The following SPATA13 variants were observed in gnomAD, a reference collection of about 807,000 sequenced individuals.
The protein encoded by SPATA13 is spermatogenesis associated 13.
Under a neutral mutation model 104.0 loss-of-function variants are expected in SPATA13, and 50 were observed. The observed-to-expected ratio is 0.48, with a 90% CI of 0.38 to 0.61. The LOEUF (loss-of-function observed/expected upper bound fraction) is 0.61, where lower values mean the gene tolerates loss of function less well. Among genes scored for constraint, SPATA13 ranks in the 20% least tolerant of loss-of-function variants. The pLI is 0.00. For synonymous variants in SPATA13, 606 were observed against 667.5 expected, an observed-to-expected ratio of 0.91 and a Z score of 1.42; for missense variants, 1,524 against 1,690.6, an observed-to-expected ratio of 0.90 and a Z score of 1.73.
intron 3 of SPATA13, among the ~76,000 whole-genome samples, chr13:24,109,943 T>C (rs762198090): frequency 4.0e-5 from 6 of 150,810 alleles, no homozygotes; most frequent in Non-Finnish European, 8.8e-5. Flanking sequence ...CATTGCCAAA[T>C]TGCCTTACAG....
intron 7 of SPATA13, among the ~76,000 whole-genome samples, chr13:24,288,445 C>A (rs936145867): frequency 6.6e-6 from 1 of 152,202 alleles, no homozygotes; most frequent in African/African-American, 2.4e-5. Context: ...ATCCCACTAG[C>A]TCCTACCTAA....
chr13:24,165,236 A>G (rs751685411), intron 1 of SPATA13, among the ~76,000 whole-genome samples: 13 of 152,128 alleles, frequency 8.5e-5, no homozygotes, highest in Non-Finnish European at 1.6e-4. Flanking sequence ...GAGAGCGCAG[A>G]CATTGTCACT....
At chr13:24,032,183 C>G (rs1288472420) in intron 3 of SPATA13, among the ~76,000 whole-genome samples, 1 of 152,106 alleles carries the variant, frequency 6.6e-6, no homozygotes, top group Non-Finnish European at 1.5e-5. Context: ...CAGCTACAAC[C>G]CCACCTCACC....
intron 3 of SPATA13, among the ~76,000 whole-genome samples, chr13:24,081,392 G>A (rs935409728): frequency 6.6e-6 from 1 of 152,064 alleles, no homozygotes; most frequent in Non-Finnish European, 1.5e-5. Flanking sequence ...TCTCCTCCCA[G>A]CCTAAGCACT....
At chr13:24,076,172 T>C (rs1445416339) in intron 3 of SPATA13, among the ~76,000 whole-genome samples, 1 of 152,162 alleles carries the variant, frequency 6.6e-6, no homozygotes, top group Non-Finnish European at 1.5e-5. Flanking sequence ...TAGAAATTCT[T>C]GAGGAAAACA....
At chr13:24,047,120 C>G (rs549514537) in intron 3 of SPATA13, among the ~76,000 whole-genome samples, 2 of 152,098 alleles carry the variant, frequency 1.3e-5, no homozygotes, top group African/African-American at 4.8e-5. Flanking sequence ...CACCTCAAGG[C>G]GGGGTCCACA....
At chr13:24,050,730 A>G (rs1878309454) in intron 3 of SPATA13, among the ~76,000 whole-genome samples, 1 of 152,196 alleles carries the variant, frequency 6.6e-6, no homozygotes, top group East Asian at 1.9e-4. Context: ...AAGTGCAGGC[A>G]CCATGCATAA....
At chr13:24,125,170 G>A (rs970862884) in intron 3 of SPATA13, among the ~76,000 whole-genome samples, 4 of 152,198 alleles carry the variant, frequency 2.6e-5, no homozygotes, top group African/African-American at 4.8e-5. Flanking sequence ...ATCAGCTTGC[G>A]TGGAGAGGCC....
intron 2 of SPATA13, among the ~76,000 whole-genome samples, chr13:24,016,820 C>T (rs373448208): frequency 2.6e-5 from 4 of 152,228 alleles, no homozygotes; most frequent in East Asian, 1.9e-4. Context: ...GGCTGCTGCA[C>T]GATAACATGA....
chr13:24,245,867 G>T (rs1873106532), intron 2 of SPATA13, among the ~76,000 whole-genome samples: 1 of 152,118 alleles, frequency 6.6e-6, no homozygotes, highest in Non-Finnish European at 1.5e-5. Flanking sequence ...GGGATTAGCG[G>T]TGTGAACCAC....
intron 3 of SPATA13, among the ~76,000 whole-genome samples, chr13:24,082,797 G>A (rs570603853): frequency 1.9e-3 from 259 of 133,060 alleles, no homozygotes; most frequent in South Asian, 3.4e-3. Context: ...TCCGCAGTCC[G>A]GCCTGGGCGA....
At chr13:24,147,750 C>G (rs1310986518) in intron 3 of SPATA13, among the ~76,000 whole-genome samples, 1 of 141,194 alleles carries the variant, frequency 7.1e-6, no homozygotes, top group Non-Finnish European at 1.6e-5. Flanking sequence ...AACATTAACT[C>G]CCCGTTCCCT....
intron 1 of SPATA13, among the ~76,000 whole-genome samples, chr13:24,196,776 C>T (rs530653123): frequency 4.6e-5 from 7 of 152,120 alleles, no homozygotes; most frequent in East Asian, 1.9e-4. Flanking sequence ...TAGTACATGT[C>T]GGGCACTTAG....
chr13:24,238,435 G>A (rs1403451474), intron 2 of SPATA13, among the ~76,000 whole-genome samples: 5 of 152,154 alleles, frequency 3.3e-5, no homozygotes, highest in Non-Finnish European at 5.9e-5. Flanking sequence ...GGGATTACAG[G>A]CGTGAGCCAC....
chr13:24,216,070 T>C (rs898408603), intron 1 of SPATA13, among the ~76,000 whole-genome samples: 2 of 152,092 alleles, frequency 1.3e-5, no homozygotes, highest in African/African-American at 2.4e-5. Flanking sequence ...TGGCAACAGC[T>C]CCCCTGGAGC....
At chr13:24,057,817 T>C (rs562710902) in intron 3 of SPATA13, among the ~76,000 whole-genome samples, 1 of 151,044 alleles carries the variant, frequency 6.6e-6, no homozygotes, top group South Asian at 2.1e-4. Flanking sequence ...CCCTTGGAGG[T>C]CCAGGGAGGA....
At chr13:24,302,334 C>T (rs977892126) in intron 12 of SPATA13, among the ~76,000 whole-genome samples, 8 of 151,808 alleles carry the variant, frequency 5.3e-5, no homozygotes, top group African/African-American at 1.9e-4. Flanking sequence ...TGGTGGCACA[C>T]ACCTGTAGGT....
rs565823513 is a variant in SPATA13, at chr13:24,111,517, C to A, written c.-112+93816C>A. On this transcript the variant is annotated intron_variant, in intron 3 of 14. Coordinates refer to the SPATA13 transcript ENST00000424834. ...CAACCTTCCCAGCTCAAGTAATCCT[C>A]CCACCTCAGCCTCCTGAGTAGTTGG... Among the ~76,000 whole-genome samples the A allele has an allele frequency of 2.0e-5, 3 of 151,888 alleles. No homozygotes were observed. In the East Asian group the frequency reaches 5.9e-4, roughly 30 times the overall value.
chr13:24,020,835 A>G (rs1876941912), intron 3 of SPATA13, among the ~76,000 whole-genome samples: 1 of 152,206 alleles, frequency 6.6e-6, no homozygotes, highest in Non-Finnish European at 1.5e-5. Flanking sequence ...CAAGGTCACG[A>G]GTTCAAGACC....
Sources: gnomAD v4.1 joint callset for allele counts (sites outside exome capture counted in the v4.1 genomes callset) on GRCh38, gnomAD v4.1.1 for gene constraint, MANE v1.5 for transcripts, NCBI Gene and HGNC (gene_info 2026-07-23, HGNC 2026-07-21) for gene names.